FAM13C: variants seen among roughly 807,000 people sequenced by gnomAD.
FAM13C encodes family with sequence similarity 13 member C, also known as protein FAM13C.
In FAM13C, 37 loss-of-function variants were observed where a neutral mutation model predicts 73.2. The ratio of observed to expected loss-of-function variants is 0.51; its 90% CI spans 0.39 to 0.67. The LOEUF (loss-of-function observed/expected upper bound fraction) is 0.67, where lower values mean the gene tolerates loss of function less well. FAM13C is among the 30% of genes least tolerant of loss of function. The probability of loss-of-function intolerance (pLI) is 0.00; values close to 1 mark genes in which losing one functional copy is unlikely to be tolerated. For synonymous variants in FAM13C, 246 were observed against 260.9 expected (o/e 0.94, Z 0.55); for missense variants, 589 against 715.6 (o/e 0.82, Z 2.02).
chr10:59,360,647 T>C (rs1856278503), intron 1 of FAM13C, among the ~76,000 whole-genome samples: 1 of 152,100 alleles, frequency 6.6e-6, no homozygotes, highest in Non-Finnish European at 1.5e-5. Flanking sequence ...GTTATACCTA[T>C]GAAGCTTTTG....
rs1362440195 is a variant in FAM13C at position 59,247,586 on chromosome 10, T to C, written c.*28A>G. ...AATAAACTTTACTTTATATCATGGGTGAAAGTGATCATAACATTTCCTGAA... is the reference window on the plus strand; with the variant it reads ...AATAAACTTTACTTTATATCATGGGCGAAAGTGATCATAACATTTCCTGAA... On this transcript the variant is annotated 3_prime_UTR_variant, in exon 14 of 14. Coordinates refer to ENST00000618804, the MANE Select transcript of FAM13C (RefSeq NM_198215.4). The C allele has an allele frequency of 6.2e-7, 1 of 1,612,834 alleles. No homozygotes were observed. Among genetic ancestry groups the C allele is most frequent in the South Asian group, 1.1e-5 (1 of 90,918 alleles).
At chr10:59,353,058 T>G (rs1318356342) in intron 2 of FAM13C, among the ~76,000 whole-genome samples, 1 of 152,198 alleles carries the variant, frequency 6.6e-6, no homozygotes, top group African/African-American at 2.4e-5. Flanking sequence ...TGGGCCAAAT[T>G]TTACTCAACC....
At chr10:59,356,055 TC>T (rs1564630601) in intron 1 of FAM13C, 112 bp from the exon 2 acceptor site, 2 of 930,160 alleles carry the variant, frequency 2.2e-6, no homozygotes, top group Admixed American at 1.9e-5. Context: ...GATGAAACAC[TC>T]CCTATCATTC....
At chr10:59,292,659 T>G (rs987663413) in intron 5 of FAM13C, among the ~76,000 whole-genome samples, 1 of 152,240 alleles carries the variant, frequency 6.6e-6, no homozygotes, top group African/African-American at 2.4e-5. Flanking sequence ...CAGGTCACAT[T>G]GGAAAGCATG....
At chr10:59,343,021 C>T (rs10763602) in intron 3 of FAM13C, among the ~76,000 whole-genome samples, 113,762 of 152,142 alleles carry the variant, frequency 0.75, 42,831 homozygotes, top group East Asian at 0.86. Flanking sequence ...CCCCTTTCTT[C>T]AGAAAGTATT....
At chr10:59,306,312 C>T (rs1250029043) in intron 4 of FAM13C, among the ~76,000 whole-genome samples, 1 of 152,102 alleles carries the variant, frequency 6.6e-6, no homozygotes, top group Non-Finnish European at 1.5e-5. Flanking sequence ...CATGATCTTC[C>T]AAGGAAACTA....
chr10:59,343,556 G>T (rs541480008), intron 3 of FAM13C, among the ~76,000 whole-genome samples: 1 of 152,292 alleles, frequency 6.6e-6, no homozygotes, highest in Non-Finnish European at 1.5e-5. Context: ...GAGTTATGGG[G>T]TTATGGTTAC....
chr10:59,345,512 TA>T (rs534813603), intron 3 of FAM13C, among the ~76,000 whole-genome samples: 29 of 152,356 alleles, frequency 1.9e-4, no homozygotes, highest in African/African-American at 7.0e-4. Context: ...AACAAAGTGA[TA>T]AAGTGATTTT....
intron 3 of FAM13C, among the ~76,000 whole-genome samples, chr10:59,335,099 G>C (rs891864466): frequency 2.2e-4 from 33 of 152,176 alleles, no homozygotes; most frequent in South Asian, 6.2e-4. Flanking sequence ...TTTATCAAAG[G>C]CTGCTCAAAT....
intron 3 of FAM13C, among the ~76,000 whole-genome samples, chr10:59,346,545 C>A (rs993469866): frequency 2.6e-5 from 4 of 152,170 alleles, no homozygotes; most frequent in Non-Finnish European, 4.4e-5. Context: ...CTCTATATAG[C>A]CTCCTACTTT....
At chr10:59,278,106 C>T (rs1844522684) in intron 6 of FAM13C, among the ~76,000 whole-genome samples, 1 of 152,156 alleles carries the variant, frequency 6.6e-6, no homozygotes, top group Non-Finnish European at 1.5e-5. Flanking sequence ...TGCAGGGAAA[C>T]TCCCCTTTTG....
chr10:59,303,863 T>A (rs1270019992), intron 4 of FAM13C, among the ~76,000 whole-genome samples: 1 of 152,194 alleles, frequency 6.6e-6, no homozygotes, highest in African/African-American at 2.4e-5. Context: ...TTAAAGTGTC[T>A]GTTCGGCCAG....
At chr10:59,341,548 G>T (rs561154736) in intron 3 of FAM13C, among the ~76,000 whole-genome samples, 1 of 152,212 alleles carries the variant, frequency 6.6e-6, no homozygotes, top group South Asian at 2.1e-4. Context: ...AATTAGCTGG[G>T]CATGGTGGTG....
At chr10:59,249,596 G>A in intron 13 of FAM13C, among the ~76,000 whole-genome samples, 1 of 152,058 alleles carries the variant, frequency 6.6e-6, no homozygotes, top group East Asian at 1.9e-4. Context: ...ATATTACCAA[G>A]AACATTTATA....
intron 6 of FAM13C, among the ~76,000 whole-genome samples, chr10:59,274,881 G>A (rs530906027): frequency 2.0e-5 from 3 of 152,180 alleles, no homozygotes; most frequent in Non-Finnish European, 4.4e-5. Flanking sequence ...TCCCTGAGCT[G>A]TGGAGCTAGG....
intron 4 of FAM13C, among the ~76,000 whole-genome samples, chr10:59,320,153 T>C (rs1306480446): frequency 6.6e-6 from 1 of 152,218 alleles, no homozygotes; most frequent in African/African-American, 2.4e-5. Flanking sequence ...CAGCTCCAGC[T>C]AGTTGTTGCC....
intron 4 of FAM13C, among the ~76,000 whole-genome samples, chr10:59,311,825 G>T (rs1366944871): frequency 6.6e-6 from 1 of 152,146 alleles, no homozygotes; most frequent in Non-Finnish European, 1.5e-5. Context: ...TCCTCAGAGA[G>T]ACCCCAGTTG....
rs182529673 is a variant in FAM13C, at chr10:59,287,061, G to A, written c.508-3614C>T. ...AAAAAAAAAAAAAAAAAAAGGCCAG[G>A]TGTGGTGGCTCACGCCTGTAATCCC... On this transcript the variant is annotated intron_variant, in intron 5 of 13. Transcript: ENST00000618804. 4.9e-4 allele frequency among the ~76,000 whole-genome samples: 72 copies of A among 148,354 alleles called. 1 individual carries two copies. In the East Asian group the frequency reaches 0.014, roughly 28 times the overall value.
chr10:59,247,677 T>C lies in FAM13C; in HGVS notation c.1695A>G (p.Ile565Met). The C allele has an allele frequency of 6.2e-7, 1 of 1,613,588 alleles. No homozygotes were observed. The highest frequency in any genetic ancestry group is 8.5e-7 in the Non-Finnish European group (1 of 1,179,680). ...MADEYYEYKH[I>M]KAKLRLLEVL... ...CCTCTAATAGTCTCAGTTTGGCTTT[T>C]ATGTGCTTATATTCATAATACTCAT... The change falls in exon 14 of 14, where the codon ATA (isoleucine) becomes ATG (methionine). Residue 565 changes from isoleucine (I) to methionine (M), a missense_variant. Ile to Met is a conservative substitution (Grantham distance 10). Coordinates refer to ENST00000618804, the MANE Select transcript of FAM13C (RefSeq NM_198215.4).
Sources: gnomAD v4.1 joint callset for allele counts (sites outside exome capture counted in the v4.1 genomes callset) on GRCh38, gnomAD v4.1.1 for gene constraint, MANE v1.5 for transcripts, NCBI Gene and HGNC (gene_info 2026-07-23, HGNC 2026-07-21) for gene names.